SLIT2: variants seen among roughly 807,000 people sequenced by gnomAD.
The protein encoded by SLIT2 is slit guidance ligand 2.
In SLIT2, 41 loss-of-function variants were observed where a neutral mutation model predicts 185.7. The observed-to-expected ratio is 0.22, with a 90% CI of 0.17 to 0.29. The LOEUF (loss-of-function observed/expected upper bound fraction) is 0.29. SLIT2 is among the 10% of genes least tolerant of loss of function. SLIT2 has a pLI of 1.00. For synonymous variants in SLIT2, 693 were observed against 680.2 expected (o/e 1.02, Z -0.29); for missense variants, 1,571 against 1,909.0 (o/e 0.82, Z 3.30).
In SLIT2 at chr4:20,415,795, T is replaced by G. The variant is rs75000583; in HGVS notation, c.396-51957T>G. 1.2e-3 allele frequency among the ~76,000 whole-genome samples: 181 copies of G among 152,342 alleles called. 3 individuals are homozygous for G. In the East Asian group the frequency reaches 0.031, roughly 26 times the overall value. ...GTAGAGTGATTCTGTATTCCCATTT[T>G]ATAGATGAGGAAACTGAAGCTCAAA... On this transcript the variant is annotated intron_variant, in intron 4 of 36. Coordinates refer to ENST00000504154, the MANE Select transcript of SLIT2 (RefSeq NM_004787.4).
At chr4:20,391,402 A>G (rs1005450069) in intron 4 of SLIT2, among the ~76,000 whole-genome samples, 1 of 152,054 alleles carries the variant, frequency 6.6e-6, no homozygotes, top group South Asian at 2.1e-4. Flanking sequence ...ACTGCCAGCA[A>G]TTTCATTGCA....
intron 4 of SLIT2, among the ~76,000 whole-genome samples, chr4:20,466,244 T>C (rs1244510875): frequency 6.6e-6 from 1 of 152,118 alleles, no homozygotes; most frequent in Non-Finnish European, 1.5e-5. Context: ...ATTAACTTGA[T>C]GTAATTAAGC....
rs565549202 is a variant in SLIT2, at chr4:20,562,922, T to A, written c.2726-4340T>A. 6.4e-4 allele frequency among the ~76,000 whole-genome samples: 97 copies of A among 151,832 alleles called. 1 individual carries two copies. Among genetic ancestry groups the A allele is most frequent in the African/African-American group, 2.1e-3 (89 of 41,398 alleles). ...AAGGGATGCCAGAATGAAGGCAGAT[T>A]CTAGAATATAGCTAGAAGTTTTTGT... is the stretch of plus-strand genomic sequence containing the variant. On this transcript the variant is annotated intron_variant, in intron 26 of 36. Transcript: ENST00000504154.
At chr4:20,612,048 C>T (rs1253836158) in intron 34 of SLIT2, among the ~76,000 whole-genome samples, 1 of 151,944 alleles carries the variant, frequency 6.6e-6, no homozygotes, top group Non-Finnish European at 1.5e-5. Context: ...TTAAATCTTT[C>T]GAAGCCCCTT....
chr4:20,520,523 T>C (rs552238697), intron 12 of SLIT2, among the ~76,000 whole-genome samples: 1 of 152,324 alleles, frequency 6.6e-6, no homozygotes, highest in Non-Finnish European at 1.5e-5. Flanking sequence ...CTCTGGAGTG[T>C]ATTTATTTCT....
At chr4:20,588,871 T>C (rs758521126) in intron 29 of SLIT2, among the ~76,000 whole-genome samples, 2 of 152,294 alleles carry the variant, frequency 1.3e-5, no homozygotes, top group South Asian at 4.1e-4. Context: ...CTGACTTTCA[T>C]GGAAAAAATA....
At chr4:20,357,214 A>G (rs1462360602) in intron 4 of SLIT2, among the ~76,000 whole-genome samples, 1 of 152,144 alleles carries the variant, frequency 6.6e-6, no homozygotes, top group Admixed American at 6.6e-5. Flanking sequence ...TCAAAGTCAG[A>G]CACCTTGATT....
chr4:20,420,796 C>T (rs1439384228), intron 4 of SLIT2, among the ~76,000 whole-genome samples: 3 of 151,964 alleles, frequency 2.0e-5, no homozygotes, highest in Non-Finnish European at 2.9e-5. Context: ...GGTAATGGGC[C>T]AGGGGCTCTC....
intron 4 of SLIT2, among the ~76,000 whole-genome samples, chr4:20,397,791 C>A (rs1726027433): frequency 6.6e-6 from 1 of 151,762 alleles, no homozygotes; most frequent in African/African-American, 2.4e-5. Context: ...ACCCACTGTC[C>A]TCCCACACAC....
intron 29 of SLIT2, 117 bp from the exon 30 acceptor site, chr4:20,589,527 G>A (rs1577980134): frequency 3.9e-6 from 3 of 773,668 alleles, no homozygotes; most frequent in Non-Finnish European, 6.5e-6. Context: ...TTTTTGCTTT[G>A]TTTTGTTTTA....
chr4:20,530,295 A>G (rs1294761389), intron 16 of SLIT2, among the ~76,000 whole-genome samples: 1 of 151,302 alleles, frequency 6.6e-6, no homozygotes, highest in Middle Eastern at 3.2e-3. Context: ...TTTGAGACAG[A>G]GTCTCACTAT....
intron 29 of SLIT2, among the ~76,000 whole-genome samples, chr4:20,570,615 T>C (rs1031001744): frequency 6.6e-6 from 1 of 150,998 alleles, no homozygotes; most frequent in African/African-American, 2.4e-5. Flanking sequence ...CCAGTTAATT[T>C]TGGAGGCCTC....
At position 20,252,439 on chromosome 4, in the gene SLIT2, C is replaced by A. The variant is rs993112897; in HGVS notation, c.-1377C>A. On this transcript the variant is annotated 5_prime_UTR_variant, in exon 1 of 37. Transcript: ENST00000504154. Reference sequence around the variant, plus strand: ...GAGAAGGACTACCCGGGACTGCGGCCGCCGCGTCAGGTGCAGCGCCAGGAG... The same window carrying A: ...GAGAAGGACTACCCGGGACTGCGGCAGCCGCGTCAGGTGCAGCGCCAGGAG... Among the ~76,000 whole-genome samples the A allele has an allele frequency of 1.3e-5, 2 of 152,212 alleles. No homozygotes were observed. Among genetic ancestry groups the A allele is most frequent in the Non-Finnish European group, 2.9e-5 (2 of 68,040 alleles).
intron 4 of SLIT2, among the ~76,000 whole-genome samples, chr4:20,340,118 C>T (rs1720839191): frequency 6.6e-6 from 1 of 151,888 alleles, no homozygotes; most frequent in Admixed American, 6.6e-5. Context: ...TATGTGGGAA[C>T]GTAGTAGGTG....
chr4:20,513,602 TGGA>T (rs1719940301), intron 11 of SLIT2, among the ~76,000 whole-genome samples: 1 of 152,104 alleles, frequency 6.6e-6, no homozygotes, highest in African/African-American at 2.4e-5. Context: ...CCCTGCCTCA[TGGA>T]GGAGACCAGT....
chr4:20,354,902 TGTGTGAGAGAGAGAGA>T (rs1443529425), intron 4 of SLIT2, among the ~76,000 whole-genome samples: 92 of 106,492 alleles, frequency 8.6e-4, no homozygotes, highest in African/African-American at 2.6e-3. Context: ...TGTGTGTGTG[TGTGTGAGAGAGAGAGA>T]GAGAGAGAGA....
In SLIT2 at chr4:20,609,596, G is replaced by A. The variant is rs112073240; in HGVS notation, c.3693-417G>A. Among the ~76,000 whole-genome samples the A allele has an allele frequency of 5.3e-5, 8 of 152,176 alleles. No homozygotes were observed. In the South Asian group the frequency reaches 1.2e-3, roughly 24 times the overall value. On this transcript the variant is annotated intron_variant, in intron 33 of 36. Coordinates refer to ENST00000504154, the MANE Select transcript of SLIT2 (RefSeq NM_004787.4). The stretch of plus-strand genomic sequence containing the variant: ...CAGAAGCCAGCAGTTGCCTAAGGTC[G>A]ATGTGTTAGGGTGTTTTTGGCACAG...
At chr4:20,500,833 T>C (rs1416403759) in intron 9 of SLIT2, among the ~76,000 whole-genome samples, 1 of 152,192 alleles carries the variant, frequency 6.6e-6, no homozygotes, top group African/African-American at 2.4e-5. Flanking sequence ...AATTTTCTTC[T>C]GAGATCCTCA....
At chr4:20,329,780 A>G (rs1255371268) in intron 4 of SLIT2, among the ~76,000 whole-genome samples, 1 of 152,016 alleles carries the variant, frequency 6.6e-6, no homozygotes, top group African/African-American at 2.4e-5. Context: ...ATAATCAGAC[A>G]GGTTCTAATA....
Sources: gnomAD v4.1 joint callset for allele counts (sites outside exome capture counted in the v4.1 genomes callset) on GRCh38, gnomAD v4.1.1 for gene constraint, MANE v1.5 for transcripts, NCBI Gene and HGNC (gene_info 2026-07-23, HGNC 2026-07-21) for gene names.